PABPC1L: variants seen among roughly 807,000 people sequenced by gnomAD.
The protein encoded by PABPC1L is poly(A) binding protein cytoplasmic 1 like, also known as polyadenylate-binding protein 1-like.
PABPC1L carries 31 observed loss-of-function variants against 66.6 expected under a neutral mutation model. The ratio of observed to expected loss-of-function variants is 0.47; its 90% CI spans 0.35 to 0.63. The LOEUF (loss-of-function observed/expected upper bound fraction) is 0.63, where lower values mean the gene tolerates loss of function less well. Ranked by LOEUF, PABPC1L falls within the 20% of genes least tolerant of loss-of-function variation. The pLI, the probability that PABPC1L is intolerant of heterozygous loss-of-function variation, is 0.00. For missense variants in PABPC1L, 722 were observed against 848.8 expected (o/e 0.85, Z 1.86); for synonymous variants, 348 against 335.1 (o/e 1.04, Z -0.42).
In PABPC1L at chr20:44,912,644, T is replaced by G; in HGVS notation, c.194-16T>G. 1 of 1,591,048 alleles carries G rather than the reference T, an allele frequency of 6.3e-7. No homozygotes were observed. The highest frequency in any genetic ancestry group is 8.6e-7 in the Non-Finnish European group (1 of 1,162,958). ...TCCCTAAACTTGCTAATTTCTCTCC[T>G]CTTCCTTCTGTCCAGCGGAGCGGGC... On this transcript the variant is annotated splice_polypyrimidine_tract_variant and intron_variant, in intron 1 of 14. Coordinates refer to ENST00000217073, the MANE Select transcript of PABPC1L (RefSeq NM_001372179.1).
At chr20:44,921,148 G>A (rs548423927) in intron 5 of PABPC1L, among the ~76,000 whole-genome samples, 2 of 119,876 alleles carry the variant, frequency 1.7e-5, no homozygotes, top group Non-Finnish European at 3.3e-5. Context: ...GCCCCAGTCC[G>A]AATTTTTTTT....
At position 44,921,669 on chromosome 20, in the gene PABPC1L, C is replaced by T. The variant is rs575662446; in HGVS notation, c.814C>T (p.Arg272Trp). Residue 272 changes from arginine to tryptophan, a missense_variant, in exon 6 of 15, where the codon CGG (arginine) becomes TGG (tryptophan). This residue lies in a region of PABPC1L where 137 missense variants were observed against 216.8 expected (regional missense o/e 0.63). Transcript: ENST00000217073. ...GGGCCGGGCCCAAAAGCGCGTGGAG[C>T]GGCAGAATGAACTGAAGCGCAGGTT... ...YAGRAQKRVERQNELKRRFEQ... is the reference protein window; with the variant it reads ...YAGRAQKRVEWQNELKRRFEQ... 2.1e-5 allele frequency: 34 copies of T among 1,613,994 alleles called. No homozygotes were observed. In the South Asian group the frequency reaches 2.4e-4, roughly 11 times the overall value.
At position 44,932,197 on chromosome 20, in the gene PABPC1L, A is replaced by G. The variant is rs529635292; in HGVS notation, c.1240-145A>G. The G allele has an allele frequency of 3.0e-5, 15 of 492,318 alleles. No homozygotes were observed. The South Asian group carries it at 3.8e-4, about 12-fold the overall frequency. The allele number at this position is 492,318 out of a possible 1,614,324, so 30.5% of individuals were successfully genotyped here. A position where few individuals can be genotyped will look rare whatever the true frequency, so the allele number is the denominator to read the frequency against. On this transcript the variant is annotated intron_variant, in intron 8 of 14. Coordinates refer to ENST00000217073, the MANE Select transcript of PABPC1L (RefSeq NM_001372179.1). ...TGGACATCCTGAGATGGGAGGAAGG[A>G]GCTTTCATTACAGCCTTGTGGGTCT... is the stretch of plus-strand genomic sequence containing the variant.
chr20:44,927,324 G>A (rs2066816818), intron 7 of PABPC1L, among the ~76,000 whole-genome samples: 2 of 151,756 alleles, frequency 1.3e-5, no homozygotes, highest in African/African-American at 4.8e-5. Flanking sequence ...ACTACCGACT[G>A]CCAGAAGTTC....
At chr20:44,929,132 T>G (rs759378726) in intron 7 of PABPC1L, among the ~76,000 whole-genome samples, 1 of 151,094 alleles carries the variant, frequency 6.6e-6, no homozygotes, top group Middle Eastern at 3.2e-3. Context: ...TGTGGTGGCA[T>G]GTACCTATAG....
At chr20:44,926,744 A>C (rs979142680) in intron 7 of PABPC1L, among the ~76,000 whole-genome samples, 1 of 151,540 alleles carries the variant, frequency 6.6e-6, no homozygotes, top group African/African-American at 2.4e-5. Flanking sequence ...ATGAGGTTTC[A>C]CCATGTTAGC....
chr20:44,936,002 T>C (rs2066898180), intron 11 of PABPC1L, among the ~76,000 whole-genome samples: 1 of 152,190 alleles, frequency 6.6e-6, no homozygotes, highest in Non-Finnish European at 1.5e-5. Context: ...AGGGTCTTTT[T>C]TTTGACAGCA....
At chr20:44,928,849 A>T (rs973913894) in intron 7 of PABPC1L, among the ~76,000 whole-genome samples, 4 of 129,718 alleles carry the variant, frequency 3.1e-5, no homozygotes, top group Non-Finnish European at 4.8e-5. Flanking sequence ...TGAGTGACAG[A>T]GTGAGATCCT....
At chr20:44,938,625 A>C (rs2066919878) in intron 13 of PABPC1L, 49 bp from the exon 14 acceptor site, 3 of 1,561,106 alleles carry the variant, frequency 1.9e-6, no homozygotes, top group Non-Finnish European at 2.6e-6. Context: ...CTCTTCTGTG[A>C]CCTGCTAAGA....
At chr20:44,932,625 C>T in intron 9 of PABPC1L, 193 bp downstream of exon 9, 1 of 531,644 alleles carries the variant, frequency 1.9e-6, no homozygotes. Context: ...CAGTGGTGAG[C>T]CAATGGAAGA....
Position 44,935,477 on chromosome 20 carries a change from G to A in PABPC1L, c.1546G>A (p.Ala516Thr). The A allele has an allele frequency of 6.2e-7, 1 of 1,614,168 alleles. No homozygotes were observed. The highest frequency in any genetic ancestry group is 1.7e-5 in the Admixed American group (1 of 60,022). ...GCTCCTGCCGTGCAAATGTTCCTCA[G>A]CAGCACATAGCACCTATCGGGTAAG... ...RPLLPCKCSSAAHSTYRVQEP... is the reference protein window; with the variant it reads ...RPLLPCKCSSTAHSTYRVQEP... The change falls in exon 11 of 15, where the codon GCA (alanine) becomes ACA (threonine). Residue 516 changes from alanine (A) to threonine (T), a missense_variant. Ala to Thr is a moderately conservative substitution (Grantham distance 58). Around this residue, in one of 3 missense-constraint regions of PABPC1L, gnomAD observed 301 missense variants for 337.2 expected, o/e 0.89. Coordinates refer to ENST00000217073, the MANE Select transcript of PABPC1L (RefSeq NM_001372179.1).
At chr20:44,918,701 G>A (rs2066752671) in intron 3 of PABPC1L, among the ~76,000 whole-genome samples, 1 of 152,148 alleles carries the variant, frequency 6.6e-6, no homozygotes, top group Admixed American at 6.5e-5. Context: ...CTTCTGCTGG[G>A]GACAAGCTCT....
In PABPC1L at chr20:44,938,671, C is replaced by T. The variant is rs757528368; in HGVS notation, c.1792-3C>T. ...AAGCCCCCCCGCCACTCATGTCTCA[C>T]AGATAGACGAGGCAGTGGCCGTGCT... On this transcript the variant is annotated splice_polypyrimidine_tract_variant and splice_region_variant and intron_variant, in intron 13 of 14. Coordinates refer to ENST00000217073, the MANE Select transcript of PABPC1L (RefSeq NM_001372179.1). 10 of 1,607,212 alleles carry T rather than the reference C, an allele frequency of 6.2e-6. No individual in the cohort carries two copies. The highest frequency in any genetic ancestry group is 8.5e-6 in the Non-Finnish European group (10 of 1,177,044).
intron 5 of PABPC1L, among the ~76,000 whole-genome samples, chr20:44,920,893 AC>A (rs2066768046): frequency 6.6e-6 from 1 of 151,342 alleles, no homozygotes; most frequent in Non-Finnish European, 1.5e-5. Flanking sequence ...GCTCACTGCA[AC>A]CTCCACCTCC....
intron 10 of PABPC1L, among the ~76,000 whole-genome samples, chr20:44,934,902 T>C (rs892722046): frequency 1.3e-5 from 2 of 152,126 alleles, no homozygotes; most frequent in Admixed American, 1.3e-4. Context: ...ACCCTGTCTC[T>C]ACTAAAAATA....
chr20:44,935,142 A>G (rs1047110004), intron 10 of PABPC1L, among the ~76,000 whole-genome samples: 1 of 151,240 alleles, frequency 6.6e-6, no homozygotes, highest in African/African-American at 2.5e-5. Context: ...TCTTTTGGGT[A>G]TATACCCAGA....
At chr20:44,918,885 G>A (rs2066754025) in intron 3 of PABPC1L, 21 bp from the exon 4 acceptor site, 2 of 1,554,652 alleles carry the variant, frequency 1.3e-6, no homozygotes, top group Non-Finnish European at 1.7e-6. Context: ...ACAGCCATGA[G>A]CCAGTGTGTC....
At chr20:44,938,226 G>A (rs745892677) in intron 13 of PABPC1L, 35 bp downstream of exon 13, 3 of 1,605,198 alleles carry the variant, frequency 1.9e-6, no homozygotes, top group Non-Finnish European at 2.6e-6. Flanking sequence ...GAGCCCGAGG[G>A]GGCAGGAGGA....
chr20:44,926,997 T>C (rs761616407), intron 7 of PABPC1L, among the ~76,000 whole-genome samples: 1 of 152,050 alleles, frequency 6.6e-6, no homozygotes. Context: ...CACCTGAGCC[T>C]CCTAAGTAGC....
Sources: allele counts gnomAD v4.1 joint callset (sites outside exome capture counted in the v4.1 genomes callset), GRCh38; gene constraint gnomAD v4.1.1; regional missense constraint gnomAD v4.1.1; transcripts MANE v1.5; gene names NCBI Gene and HGNC (gene_info 2026-07-23, HGNC 2026-07-21).